DPH6: variants seen among roughly 807,000 people sequenced by gnomAD.
DPH6 encodes diphthamine biosynthesis 6, also known as diphthine--ammonia ligase.
DPH6 carries 33 observed loss-of-function variants against 38.2 expected under a neutral mutation model. That is an observed-to-expected ratio of 0.86 (90% CI 0.65 to 1.15). The LOEUF is 1.15. Ranked by LOEUF, DPH6 falls within the 50% of genes most tolerant of loss-of-function variation. DPH6 has a pLI of 0.00. For missense variants in DPH6, 325 were observed against 320.0 expected (o/e 1.02, Z -0.12); for synonymous variants, 108 against 103.0 (o/e 1.05, Z -0.30).
At chr15:35,185,722 CTCTTT>C in the DPH6 span, among the ~76,000 whole-genome samples, 2 of 127,786 alleles carry the variant, frequency 1.6e-5, no homozygotes, top group Non-Finnish European at 3.2e-5. Context: ...GTCCAATCCA[CTCTTT>C]TTTTTTTTTT....
chr15:35,185,326 C>T, the DPH6 span, among the ~76,000 whole-genome samples: 1 of 152,120 alleles, frequency 6.6e-6, no homozygotes, highest in African/African-American at 2.4e-5. Flanking sequence ...ATTTTGCTAA[C>T]TGATCAGGTA....
chr15:35,381,679 C>T lies in DPH6; in HGVS notation c.662+143G>A. The T allele has an allele frequency of 1.0e-5, 7 of 667,034 alleles. No individual in the cohort carries two copies. In the Admixed American group the frequency reaches 1.1e-4, roughly 11 times the overall value. 41.3% of individuals were successfully genotyped at this position (667,034 alleles called of 1,614,324 possible). On this transcript the variant is annotated intron_variant, in intron 7 of 8. Coordinates refer to ENST00000256538, the MANE Select transcript of DPH6 (RefSeq NM_080650.4). ...TGATTTAGATATTCAGATAACTTCA[C>T]TGGTATTAAACAAATTGAGTGTTTG...
At chr15:35,222,321 A>G (rs1171952623) in intron 3 of DPH6, among the ~76,000 whole-genome samples, 1 of 152,228 alleles carries the variant, frequency 6.6e-6, no homozygotes, top group Non-Finnish European at 1.5e-5. Context: ...TATGTGAACC[A>G]AAAGTATTTG....
chr15:35,154,318 TA>T, the DPH6 span, among the ~76,000 whole-genome samples: 1 of 142,492 alleles, frequency 7.0e-6, no homozygotes, highest in Non-Finnish European at 1.5e-5. Flanking sequence ...ATGTGTTAAT[TA>T]AAAATAAAAT....
intron 3 of DPH6, among the ~76,000 whole-genome samples, chr15:35,534,974 G>A (rs2055147649): frequency 6.6e-6 from 1 of 151,998 alleles, no homozygotes; most frequent in South Asian, 2.1e-4. Context: ...ACAAACATAG[G>A]TTAACAAAAC....
chr15:35,390,024 T>G (rs757753059), intron 6 of DPH6, among the ~76,000 whole-genome samples: 9 of 152,212 alleles, frequency 5.9e-5, no homozygotes, highest in Non-Finnish European at 1.3e-4. Flanking sequence ...GGAGCTCTTT[T>G]AGGGCAGGCC....
intron 3 of DPH6, among the ~76,000 whole-genome samples, chr15:35,251,027 T>C (rs994428418): frequency 1.3e-5 from 2 of 152,212 alleles, no homozygotes; most frequent in Non-Finnish European, 2.9e-5. Context: ...AAGAAGGTCA[T>C]TGTTATAAAA....
At chr15:35,163,427 C>A in the DPH6 span, among the ~76,000 whole-genome samples, 1 of 151,730 alleles carries the variant, frequency 6.6e-6, no homozygotes, top group Non-Finnish European at 1.5e-5. Context: ...TGATGCCATC[C>A]CTGAAACAAA....
chr15:35,284,795 C>A (rs1377926754), intron 3 of DPH6, among the ~76,000 whole-genome samples: 6 of 134,756 alleles, frequency 4.5e-5, no homozygotes, highest in Admixed American at 8.4e-5. Flanking sequence ...TGGGTGAAGT[C>A]TCCAAATTTT....
At chr15:35,214,934 T>C (rs894772268), downstream of DPH6, among the ~76,000 whole-genome samples, 1 of 152,194 alleles carries the variant, frequency 6.6e-6, no homozygotes, top group Non-Finnish European at 1.5e-5. Flanking sequence ...AATCGGTCCA[T>C]CTGCTTCTAC....
chr15:35,422,625 T>C (rs1810377317), intron 5 of DPH6, among the ~76,000 whole-genome samples: 2 of 151,892 alleles, frequency 1.3e-5, no homozygotes, highest in African/African-American at 2.4e-5. Flanking sequence ...TACAACACAG[T>C]GTTGTTAACT....
the DPH6 span, among the ~76,000 whole-genome samples, chr15:35,150,801 C>T: frequency 6.6e-6 from 1 of 152,108 alleles, no homozygotes; most frequent in African/African-American, 2.4e-5. Flanking sequence ...TTAGATGCTA[C>T]TCGAAAGAAT....
intron 3 of DPH6, among the ~76,000 whole-genome samples, chr15:35,261,233 G>A (rs1414771827): frequency 8.5e-5 from 13 of 152,136 alleles, no homozygotes; most frequent in East Asian, 7.7e-4. Flanking sequence ...GCAATACAGC[G>A]TGCCTCTGAG....
At chr15:35,444,147 C>T (rs2053822165) in intron 5 of DPH6, among the ~76,000 whole-genome samples, 1 of 152,188 alleles carries the variant, frequency 6.6e-6, no homozygotes, top group South Asian at 2.1e-4. Context: ...AATGCACATT[C>T]ATAGTCACAG....
chr15:35,520,434 T>C (rs2054907801), intron 3 of DPH6: 10 of 983,294 alleles, frequency 1.0e-5, no homozygotes, highest in African/African-American at 1.7e-5. Context: ...CCTTTACATA[T>C]GGACAGCACT....
At chr15:35,245,834 A>G (rs1241889982) in intron 3 of DPH6, among the ~76,000 whole-genome samples, 1 of 152,212 alleles carries the variant, frequency 6.6e-6, no homozygotes, top group Non-Finnish European at 1.5e-5. Context: ...ATTAGAGAAG[A>G]AGGCTTAAGG....
At chr15:35,362,024 A>G (rs1043101303) in intron 3 of DPH6, among the ~76,000 whole-genome samples, 1 of 151,808 alleles carries the variant, frequency 6.6e-6, no homozygotes, top group African/African-American at 2.4e-5. Flanking sequence ...TATTTGTTAC[A>G]TTTTTTGCAT....
chr15:35,346,224 A>G (rs1595491552), intron 3 of DPH6, among the ~76,000 whole-genome samples: 2 of 152,044 alleles, frequency 1.3e-5, no homozygotes, highest in African/African-American at 4.8e-5. Context: ...TTTTCTGGGA[A>G]AAATGTCTAC....
At chr15:35,529,348 A>T (rs547983287) in intron 3 of DPH6, among the ~76,000 whole-genome samples, 2 of 152,098 alleles carry the variant, frequency 1.3e-5, no homozygotes, top group Non-Finnish European at 2.9e-5. Context: ...AAACACTTTC[A>T]AACAACAAGA....
Sources: gnomAD v4.1 joint callset for allele counts (sites outside exome capture counted in the v4.1 genomes callset) on GRCh38, gnomAD v4.1.1 for gene constraint, MANE v1.5 for transcripts, NCBI Gene and HGNC (gene_info 2026-07-23, HGNC 2026-07-21) for gene names.